The following OR10K1 variants were observed in gnomAD, a reference collection of about 807,000 sequenced individuals.
OR10K1 encodes olfactory receptor 10K1.
For missense variants in OR10K1, 404 were observed against 373.3 expected (o/e 1.08, Z -0.68); for synonymous variants, 186 against 152.5 (o/e 1.22, Z -1.62).
intron 1 of OR10K1, among the ~76,000 whole-genome samples, 167 bp downstream of exon 1, chr1:158,462,071 G>C (rs2101664200): frequency 6.6e-6 from 1 of 152,136 alleles, no homozygotes; most frequent in South Asian, 2.1e-4. Context: ...CCTGAGGTCA[G>C]GAGTTTGAGA....
chr1:158,464,741 C>T (rs574474595), intron 1 of OR10K1, among the ~76,000 whole-genome samples: 13 of 152,262 alleles, frequency 8.5e-5, no homozygotes, highest in African/African-American at 1.9e-4. Context: ...CTCCGCCTCC[C>T]GGGCTCAAGT....
rs373234585 is a variant in OR10K1, at chr1:158,466,423, A to G, written c.862A>G (p.Met288Val). The change falls in exon 2 of 2, where the codon ATG becomes GTG. Residue 288 changes from methionine (M) to valine (V), a missense_variant. Transcript: ENST00000641535. The part of the protein sequence containing the change: ...YTILTPLFNP[M>V]IYSLRNKEFK... ...CATCCTTACCCCATTGTTCAATCCAATGATTTATAGTCTGAGAAATAAGGA... is the reference window on the plus strand; with the variant it reads ...CATCCTTACCCCATTGTTCAATCCAGTGATTTATAGTCTGAGAAATAAGGA... The G allele has an allele frequency of 2.8e-5, 45 of 1,613,894 alleles. No homozygotes were observed. The highest frequency in any genetic ancestry group is 1.5e-4 in the Admixed American group (9 of 59,978).
chr1:158,465,574 A>G lies in OR10K1; in HGVS notation c.13A>G (p.Asn5Asp). MEQVNKTVVREFVVL... is the reference protein window; with the variant it reads MEQVDKTVVREFVVL... ...AGAAGTGCTCTCCATGGAGCAAGTCAATAAGACTGTGGTGAGAGAGTTCGT... is the reference window on the plus strand; with the variant it reads ...AGAAGTGCTCTCCATGGAGCAAGTCGATAAGACTGTGGTGAGAGAGTTCGT... Residue 5 changes from asparagine to aspartate, a missense_variant, in exon 2 of 2, where the codon AAT (asparagine) becomes GAT (aspartate). By Grantham distance (23) the Asn-to-Asp change is conservative. Transcript: ENST00000641535. 5.6e-6 allele frequency: 9 copies of G among 1,613,846 alleles called. No homozygotes were observed. The highest frequency in any genetic ancestry group is 7.6e-6 in the Non-Finnish European group (9 of 1,179,872).
In OR10K1 at chr1:158,466,465, C is replaced by A. The variant is rs573938963; in HGVS notation, c.904C>A (p.Arg302=). 4 of 1,613,866 alleles carry A rather than the reference C, an allele frequency of 2.5e-6. No individual in the cohort carries two copies. The highest frequency in any genetic ancestry group is 8.5e-7 in the Non-Finnish European group (1 of 1,179,922). Residue 302 remains arginine, a synonymous_variant, in exon 2 of 2, where the codon CGA becomes AGA. Transcript: ENST00000641535. The part of the protein sequence containing the change: ...LRNKEFKSAL[R]RTIGQTFYPL... ...AAATAAGGAATTCAAATCAGCCCTA[C>A]GAAGAACAATCGGCCAAACTTTCTA...
In OR10K1 at chr1:158,465,827, A is replaced by G; in HGVS notation, c.266A>G (p.Lys89Arg). 2 of 1,614,206 alleles carry G rather than the reference A, an allele frequency of 1.2e-6. No homozygotes were observed. Among genetic ancestry groups the G allele is most frequent in the Non-Finnish European group, 1.7e-6 (2 of 1,180,032 alleles). Reference sequence around the variant, plus strand: ...ATGCTGGTTGACCTGCTGTCCCAGAAGAAGACCATTTCTTTCCTGGGCTGT... The same window carrying G: ...ATGCTGGTTGACCTGCTGTCCCAGAGGAAGACCATTTCTTTCCTGGGCTGT... ...PKMLVDLLSQ[K>R]KTISFLGCAI... is the part of the protein sequence containing the mutation. Residue 89 changes from lysine (K) to arginine (R), a missense_variant, in exon 2 of 2, where the codon AAG becomes AGG. By Grantham distance (26) the Lys-to-Arg change is conservative. Transcript: ENST00000641535.
chr1:158,462,370 C>CTTCCTTTCTTCCTTTCTCCCTTAT (rs375100149), intron 1 of OR10K1, among the ~76,000 whole-genome samples: 3 of 147,912 alleles, frequency 2.0e-5, no homozygotes, highest in Non-Finnish European at 4.4e-5. Context: ...TTTTCTTTTC[C>CTTCCTTTCTTCCTTTCTCCCTTAT]TTCCTTCCTT....
chr1:158,464,641 T>C (rs1655994197), intron 1 of OR10K1, among the ~76,000 whole-genome samples: 1 of 152,076 alleles, frequency 6.6e-6, no homozygotes, highest in African/African-American at 2.4e-5. Context: ...TTATTTATTT[T>C]TATTTTATTT....
chr1:158,465,522 C>G lies in OR10K1; in HGVS notation c.-40C>G. 6.6e-7 allele frequency: 1 copy of G among 1,509,418 alleles called. No individual in the cohort carries two copies. The highest frequency in any genetic ancestry group is 1.2e-5 in the South Asian group (1 of 84,776). 93.5% of individuals were successfully genotyped at this position (1,509,418 alleles called of 1,614,324 possible). A position where few individuals can be genotyped will look rare whatever the true frequency, so the allele number is the denominator to read the frequency against. On this transcript the variant is annotated 5_prime_UTR_variant, in exon 2 of 2. Transcript: ENST00000641535. Reference sequence around the variant, plus strand: ...CACTCTCCTTTCTGGATCCTGGTTTCTACCTCTGTCCCTGACTCTCCTTTA... The same window carrying G: ...CACTCTCCTTTCTGGATCCTGGTTTGTACCTCTGTCCCTGACTCTCCTTTA...
At chr1:158,463,180 G>C (rs1328819215) in intron 1 of OR10K1, among the ~76,000 whole-genome samples, 1 of 151,704 alleles carries the variant, frequency 6.6e-6, no homozygotes, top group African/African-American at 2.4e-5. Flanking sequence ...CAGAAGACTA[G>C]ACCTGAAACC....
Position 158,465,439 on chromosome 1 carries a change from C to G in OR10K1, c.-123C>G. On this transcript the variant is annotated 5_prime_UTR_variant, in exon 2 of 2. The change creates a new upstream start codon in the 5' untranslated region. Transcript: ENST00000641535. Reference sequence around the variant, plus strand: ...TTAATGGGGGAATGAAGAATTCCATCAAATATCTGGAAATGCCTGCCACCT... The same window carrying G: ...TTAATGGGGGAATGAAGAATTCCATGAAATATCTGGAAATGCCTGCCACCT... 1 of 729,884 alleles carries G rather than the reference C, an allele frequency of 1.4e-6. No homozygotes were observed. The highest frequency in any genetic ancestry group is 2.3e-6 in the Non-Finnish European group (1 of 441,342). The allele number at this position is 729,884 out of a possible 1,614,324, so 45.2% of individuals were successfully genotyped here.
chr1:158,466,459 G>A lies in OR10K1; in HGVS notation c.898G>A (p.Ala300Thr). ...YSLRNKEFKS[A>T]LRRTIGQTFY... ...TCTGAGAAATAAGGAATTCAAATCAGCCCTACGAAGAACAATCGGCCAAAC... is the reference window on the plus strand; with the variant it reads ...TCTGAGAAATAAGGAATTCAAATCAACCCTACGAAGAACAATCGGCCAAAC... Residue 300 changes from alanine (A) to threonine (T), a missense_variant, in exon 2 of 2, where the codon GCC becomes ACC. Physicochemically the swap from Ala to Thr is moderately conservative, Grantham distance 58 (BLOSUM62 0). Transcript: ENST00000641535. The A allele has an allele frequency of 1.2e-6, 2 of 1,614,014 alleles. No individual in the cohort carries two copies. Among genetic ancestry groups the A allele is most frequent in the Non-Finnish European group, 1.7e-6 (2 of 1,179,952 alleles).
At chr1:158,464,916 T>C (rs1656002831) in intron 1 of OR10K1, among the ~76,000 whole-genome samples, 1 of 152,212 alleles carries the variant, frequency 6.6e-6, no homozygotes, top group Admixed American at 6.5e-5. Context: ...CTCAAAGTGC[T>C]GGGATTACAG....
intron 1 of OR10K1, among the ~76,000 whole-genome samples, chr1:158,464,564 T>C (rs987598638): frequency 1.3e-5 from 2 of 152,190 alleles, no homozygotes; most frequent in African/African-American, 4.8e-5. Flanking sequence ...GTCATCTCTC[T>C]TTACCACCCT....
chr1:158,466,021 A>T lies in OR10K1; in HGVS notation c.460A>T (p.Thr154Ser). Reference protein sequence around the residue: ...LMAAACACGFTVSLVTTSLVF... With the variant: ...LMAAACACGFSVSLVTTSLVF... ...GGCTGCTGCCTGTGCCTGTGGCTTC[A>T]CTGTCTCCCTGGTCACCACCTCCCT... Residue 154 changes from threonine to serine, a missense_variant, in exon 2 of 2, where the codon ACT (threonine) becomes TCT (serine). Physicochemically the swap from Thr to Ser is moderately conservative, Grantham distance 58. Coordinates refer to ENST00000641535, the MANE Select transcript of OR10K1 (RefSeq NM_001004473.2). 6.2e-7 allele frequency: 1 copy of T among 1,614,018 alleles called. No homozygotes were observed. The highest frequency in any genetic ancestry group is 8.5e-7 in the Non-Finnish European group (1 of 1,179,998).
chr1:158,467,306 C>G lies in OR10K1; in HGVS notation c.*803C>G, dbSNP rs1011321251. ...AATGACCAGAAAACTCATGGAAAACCCTCCAGTGACTCCCTTTGCCCTACA... is the reference window on the plus strand; with the variant it reads ...AATGACCAGAAAACTCATGGAAAACGCTCCAGTGACTCCCTTTGCCCTACA... On this transcript the variant is annotated 3_prime_UTR_variant, in exon 2 of 2. Coordinates refer to ENST00000641535, the MANE Select transcript of OR10K1 (RefSeq NM_001004473.2). 1 of 152,012 alleles carries G rather than the reference C, an allele frequency of 6.6e-6. No homozygotes were observed. The highest frequency in any genetic ancestry group is 6.6e-5 in the Admixed American group (1 of 15,238). The allele number at this position is 152,012 out of a possible 1,614,324, so 9.4% of individuals were successfully genotyped here. A position where few individuals can be genotyped will look rare whatever the true frequency, so the allele number is the denominator to read the frequency against.
intron 1 of OR10K1, among the ~76,000 whole-genome samples, chr1:158,464,236 G>A (rs568857818): frequency 6.6e-6 from 1 of 152,124 alleles, no homozygotes; most frequent in Non-Finnish European, 1.5e-5. Flanking sequence ...TACTTATTAG[G>A]TTGGGTTATT....
Position 158,466,088 on chromosome 1 carries a change from A to G in OR10K1, c.527A>G (p.His176Arg). 6.2e-7 allele frequency: 1 copy of G among 1,613,728 alleles called. No homozygotes were observed. Among genetic ancestry groups the G allele is most frequent in the Admixed American group, 1.7e-5 (1 of 59,980 alleles). Reference sequence around the variant, plus strand: ...TTCCACTCCTCCAACCAGCTCCATCACTTCTTCTGTGACATCTCCCCTGTC... The same window carrying G: ...TTCCACTCCTCCAACCAGCTCCATCGCTTCTTCTGTGACATCTCCCCTGTC... ...LPFHSSNQLHHFFCDISPVLK... is the reference protein window; with the variant it reads ...LPFHSSNQLHRFFCDISPVLK... Residue 176 changes from histidine to arginine, a missense_variant, in exon 2 of 2, where the codon CAC (histidine) becomes CGC (arginine). By Grantham distance (29) the His-to-Arg change is conservative. Coordinates refer to ENST00000641535, the MANE Select transcript of OR10K1 (RefSeq NM_001004473.2).
At chr1:158,462,228 C>T (rs1173509179) in intron 1 of OR10K1, among the ~76,000 whole-genome samples, 3 of 150,984 alleles carry the variant, frequency 2.0e-5, no homozygotes, top group Non-Finnish European at 2.9e-5. Context: ...TGCAGTGAGC[C>T]GAGACCGTGC....
intron 1 of OR10K1, among the ~76,000 whole-genome samples, chr1:158,463,658 T>C (rs1318553214): frequency 6.6e-6 from 1 of 152,186 alleles, no homozygotes; most frequent in African/African-American, 2.4e-5. Flanking sequence ...AAGATTCAAA[T>C]GAAAGTCTTT....
Sources: gnomAD v4.1 joint callset for allele counts (sites outside exome capture counted in the v4.1 genomes callset) on GRCh38, gnomAD v4.1.1 for gene constraint, MANE v1.5 for transcripts, NCBI Gene and HGNC (gene_info 2026-07-23, HGNC 2026-07-21) for gene names.